Variants in TOGARAM1 observed in about 807,000 individuals in gnomAD.
TOGARAM1 encodes TOG array regulator of axonemal microtubules protein 1.
A neutral mutation model predicts 166.6 loss-of-function variants in TOGARAM1; 100 were observed. That is an observed-to-expected ratio of 0.60 (90% confidence interval 0.51 to 0.71). The LOEUF is 0.71. Among genes scored for constraint, TOGARAM1 ranks in the 30% least tolerant of loss-of-function variants. The pLI, the probability that TOGARAM1 is intolerant of heterozygous loss-of-function variation, is 0.00. For missense variants in TOGARAM1, 2,029 were observed against 2,102.7 expected (o/e 0.96, Z 0.69); for synonymous variants, 758 against 763.8 (o/e 0.99, Z 0.13).
intron 6 of TOGARAM1, among the ~76,000 whole-genome samples, 155 bp downstream of exon 6, chr14:45,009,300 A>G (rs1466006393): frequency 6.6e-6 from 1 of 152,218 alleles, no homozygotes; most frequent in African/African-American, 2.4e-5. Context: ...TACAGATATT[A>G]CCTTGCTTGG....
At position 44,962,384 on chromosome 14, in the gene TOGARAM1, A is replaced by T. The variant is rs1208266058; in HGVS notation, c.-38A>T. On this transcript the variant is annotated 5_prime_UTR_variant, in exon 1 of 20. Transcript: ENST00000361462. ...CTCCATCGAGCCCTTTGGAGACGGC[A>T]ATGGTTTCTTCCAACCACCACCACC... 1 of 1,508,596 alleles carries T rather than the reference A, an allele frequency of 6.6e-7. No individual in the cohort carries two copies. The highest frequency in any genetic ancestry group is 1.4e-5 in the African/African-American group (1 of 71,592). 93.5% of individuals were successfully genotyped at this position (1,508,596 alleles called of 1,614,324 possible). A position where few individuals can be genotyped will look rare whatever the true frequency, so the allele number is the denominator to read the frequency against.
intron 7 of TOGARAM1, among the ~76,000 whole-genome samples, chr14:45,016,503 A>G (rs1361327674): frequency 6.6e-6 from 1 of 152,160 alleles, no homozygotes; most frequent in Non-Finnish European, 1.5e-5. Flanking sequence ...AACATGGTGA[A>G]ACACCGTGCT....
intron 10 of TOGARAM1, among the ~76,000 whole-genome samples, chr14:45,028,808 G>A (rs539731425): frequency 2.0e-5 from 3 of 152,208 alleles, no homozygotes; most frequent in African/African-American, 7.2e-5. Flanking sequence ...GGAAAAATCA[G>A]AGGTTGAAAT....
chr14:44,975,277 A>C (rs1309594826), intron 1 of TOGARAM1, among the ~76,000 whole-genome samples: 1 of 152,172 alleles, frequency 6.6e-6, no homozygotes, highest in East Asian at 1.9e-4. Flanking sequence ...AACATAATAT[A>C]AAAATAAATA....
intron 14 of TOGARAM1, among the ~76,000 whole-genome samples, chr14:45,052,147 A>G (rs903496067): frequency 6.6e-6 from 1 of 152,198 alleles, no homozygotes; most frequent in Non-Finnish European, 1.5e-5. Context: ...ATGACTAGCC[A>G]TGGAAAAAGT....
intron 14 of TOGARAM1, among the ~76,000 whole-genome samples, chr14:45,050,646 A>C (rs1882316988): frequency 6.7e-6 from 1 of 148,922 alleles, no homozygotes; most frequent in Non-Finnish European, 1.5e-5. Context: ...TTCCCCCAAG[A>C]CTCTGTCACC....
Position 45,073,388 on chromosome 14 carries a change from AG to A in TOGARAM1, c.5150del (p.Ser1717MetfsTer31). The A allele has an allele frequency of 6.2e-7, 1 of 1,614,194 alleles. No individual in the cohort carries two copies. The highest frequency in any genetic ancestry group is 8.5e-7 in the Non-Finnish European group (1 of 1,180,022). ...LWHLLGNMTN[S>X]GSLPGAGGNI... is the part of the protein sequence containing the mutation. ...GCATCTCTTAGGAAATATGACAAAT[AG>A]TGGCTCTCTGCCTGGAGCTGGAGGA... On this transcript the variant is annotated frameshift_variant, in exon 20 of 20. Transcript: ENST00000361462. LOFTEE classifies it high-confidence loss of function.
At chr14:45,029,793 G>T (rs377503921) in intron 10 of TOGARAM1, among the ~76,000 whole-genome samples, 2 of 152,044 alleles carry the variant, frequency 1.3e-5, no homozygotes, top group South Asian at 2.1e-4. Context: ...AAAAGTATCA[G>T]TCTGCAACAT....
chr14:45,070,009 C>G (rs904295936), intron 18 of TOGARAM1, among the ~76,000 whole-genome samples: 1 of 152,014 alleles, frequency 6.6e-6, no homozygotes, highest in African/African-American at 2.4e-5. Context: ...GGTGAAACCC[C>G]GTCTCTACTA....
In TOGARAM1 at chr14:45,071,251, T is replaced by C. The variant is rs144673441; in HGVS notation, c.4970-461T>C. 4.6e-5 allele frequency among the ~76,000 whole-genome samples: 7 copies of C among 151,278 alleles called. No homozygotes were observed. In the East Asian group the frequency reaches 1.4e-3, roughly 29 times the overall value. On this transcript the variant is annotated intron_variant, in intron 18 of 19. Coordinates refer to ENST00000361462, the MANE Select transcript of TOGARAM1 (RefSeq NM_001308120.2). ...TCTGTTTTTTGATAAAACTATGTTA[T>C]CGTTTGAAATAAGATGCCTAGGAGA... is the stretch of plus-strand genomic sequence containing the variant.
chr14:45,043,067 C>T (rs1881807050), intron 11 of TOGARAM1, among the ~76,000 whole-genome samples: 1 of 152,204 alleles, frequency 6.6e-6, no homozygotes, highest in Non-Finnish European at 1.5e-5. Flanking sequence ...TTCATTTACA[C>T]TGAATATCTG....
intron 7 of TOGARAM1, among the ~76,000 whole-genome samples, chr14:45,017,432 C>G (rs201304515): frequency 1.3e-5 from 2 of 151,246 alleles, no homozygotes; most frequent in Non-Finnish European, 2.9e-5. Flanking sequence ...CACACACACA[C>G]ACGTTTTTAG....
At chr14:45,073,151 T>C (rs1049386235) in intron 19 of TOGARAM1, 145 bp from the exon 20 acceptor site, 1 of 735,628 alleles carries the variant, frequency 1.4e-6, no homozygotes, top group Non-Finnish European at 2.1e-6. Context: ...GAAAGGTTTC[T>C]TACATTGCTT....
chr14:45,008,886 A>AT, intron 5 of TOGARAM1, 27 bp from the exon 6 acceptor site: 2 of 1,552,788 alleles, frequency 1.3e-6, no homozygotes, highest in Non-Finnish European at 1.8e-6. Context: ...TTATGTTATA[A>AT]AGTTTATTGT....
intron 1 of TOGARAM1, among the ~76,000 whole-genome samples, chr14:44,980,497 A>G (rs1886469892): frequency 6.6e-6 from 1 of 152,204 alleles, no homozygotes; most frequent in East Asian, 1.9e-4. Flanking sequence ...CCTGGCCAAC[A>G]TAGTGAAACC....
At chr14:44,970,034 CT>C (rs1221177711) in intron 1 of TOGARAM1, among the ~76,000 whole-genome samples, 1 of 152,126 alleles carries the variant, frequency 6.6e-6, no homozygotes, top group Non-Finnish European at 1.5e-5. Context: ...TTTTTTGCCT[CT>C]CTGTATAAAC....
At chr14:45,052,845 A>T (rs111801426) in intron 15 of TOGARAM1, among the ~76,000 whole-genome samples, 1 of 152,208 alleles carries the variant, frequency 6.6e-6, no homozygotes, top group African/African-American at 2.4e-5. Flanking sequence ...CAGCTCTAAC[A>T]GTTAGCAACT....
chr14:45,013,409 T>A (rs570268426), intron 7 of TOGARAM1, among the ~76,000 whole-genome samples: 1 of 152,336 alleles, frequency 6.6e-6, no homozygotes, highest in East Asian at 1.9e-4. Flanking sequence ...TAATCGGGAA[T>A]GTGTGACTTA....
rs747871987 is a variant in TOGARAM1 at position 45,068,627 on chromosome 14, A to G, written c.4953A>G (p.Ala1651=). 1.2e-5 allele frequency: 20 copies of G among 1,603,884 alleles called. No individual in the cohort carries two copies. Among genetic ancestry groups the G allele is most frequent in the Admixed American group, 5.1e-5 (3 of 58,420 alleles). The change falls in exon 18 of 20, where the codon GCA becomes GCG. Residue 1651 remains alanine (A), a synonymous_variant. Coordinates refer to ENST00000361462, the MANE Select transcript of TOGARAM1 (RefSeq NM_001308120.2). The part of the protein sequence containing the change: ...IYAAATNVVQ[A]LSQHVDNYLL... ...CGGCTGCTACAAATGTTGTTCAGGC[A>G]CTGAGTCAGCATGTAGGTAAGAAAT...
Sources: allele counts gnomAD v4.1 joint callset (sites outside exome capture counted in the v4.1 genomes callset), GRCh38; gene constraint gnomAD v4.1.1; transcripts MANE v1.5; gene names NCBI Gene and HGNC (gene_info 2026-07-23, HGNC 2026-07-21).